Variants in NELL1 observed in about 807,000 individuals in gnomAD.
NELL1 encodes protein kinase C-binding protein NELL1.
A neutral mutation model predicts 107.4 loss-of-function variants in NELL1; 76 were observed. The observed-to-expected ratio is 0.71, with a 90% CI of 0.59 to 0.86. The LOEUF is 0.86. NELL1 is among the 40% of genes least tolerant of loss of function. The pLI is 0.00. For missense variants in NELL1, 1,024 were observed against 1,005.5 expected (o/e 1.02, Z -0.25); for synonymous variants, 353 against 341.2 (o/e 1.03, Z -0.38).
intron 2 of NELL1, among the ~76,000 whole-genome samples, chr11:20,703,328 T>C (rs944496179): frequency 1.3e-5 from 2 of 152,228 alleles, no homozygotes; most frequent in Non-Finnish European, 2.9e-5. Context: ...TTTGTATTTC[T>C]GTGGGATCGG....
chr11:21,154,687 C>T (rs1456043332), intron 13 of NELL1, among the ~76,000 whole-genome samples: 2 of 152,054 alleles, frequency 1.3e-5, no homozygotes, highest in Non-Finnish European at 2.9e-5. Flanking sequence ...AGCAAGCCTT[C>T]CTGGAAGGAG....
At chr11:21,337,784 C>CTTTCTT (rs1565175375) in intron 14 of NELL1, among the ~76,000 whole-genome samples, 1 of 139,446 alleles carries the variant, frequency 7.2e-6, no homozygotes, top group Non-Finnish European at 1.6e-5. Flanking sequence ...TTCTTTCTTT[C>CTTTCTT]TTTCTTTCTT....
intron 16 of NELL1, among the ~76,000 whole-genome samples, chr11:21,552,223 CACATGTAT>C (rs1182165277): frequency 6.6e-6 from 1 of 151,190 alleles, no homozygotes; most frequent in East Asian, 2.0e-4. Flanking sequence ...ACCAGCATTG[CACATGTAT>C]ACATATGTAA....
At chr11:20,709,609 G>A (rs1261663280) in intron 2 of NELL1, among the ~76,000 whole-genome samples, 1 of 152,004 alleles carries the variant, frequency 6.6e-6, no homozygotes, top group Non-Finnish European at 1.5e-5. Flanking sequence ...GAATTGCATT[G>A]CATCTGTAGA....
chr11:21,187,081 T>A (rs1031393566), intron 13 of NELL1, among the ~76,000 whole-genome samples: 2 of 151,942 alleles, frequency 1.3e-5, no homozygotes, highest in Non-Finnish European at 2.9e-5. Context: ...TGGCGGAATA[T>A]TTAGCACATG....
intron 5 of NELL1, 125 bp from the exon 6 acceptor site, chr11:20,918,057 T>C: frequency 1.4e-6 from 1 of 693,004 alleles, no homozygotes; most frequent in South Asian, 1.7e-5. Flanking sequence ...TAAGGCCAGC[T>C]CACCCTTTGA....
At chr11:21,423,500 T>C (rs1564886975) in intron 15 of NELL1, among the ~76,000 whole-genome samples, 1 of 152,026 alleles carries the variant, frequency 6.6e-6, no homozygotes, top group Admixed American at 6.6e-5. Context: ...GACAGAATTA[T>C]AAGAAGAAAT....
At chr11:21,004,820 A>G (rs1305146013) in intron 12 of NELL1, among the ~76,000 whole-genome samples, 1 of 152,104 alleles carries the variant, frequency 6.6e-6, no homozygotes, top group Non-Finnish European at 1.5e-5. Flanking sequence ...TGCAATTTGT[A>G]AGACATATAT....
chr11:21,374,226 T>C (rs1590878625), intron 15 of NELL1, among the ~76,000 whole-genome samples: 2 of 152,206 alleles, frequency 1.3e-5, no homozygotes, highest in East Asian at 1.9e-4. Context: ...TCATAGTTTC[T>C]ATGGTTTGAA....
intron 15 of NELL1, among the ~76,000 whole-genome samples, chr11:21,427,050 T>G (rs1852839558): frequency 1.3e-5 from 2 of 152,112 alleles, no homozygotes; most frequent in African/African-American, 4.8e-5. Flanking sequence ...AGGCAGCTGG[T>G]GGTGCGTGGG....
intron 12 of NELL1, among the ~76,000 whole-genome samples, chr11:21,048,092 C>T (rs1430709466): frequency 6.6e-6 from 1 of 151,980 alleles, no homozygotes; most frequent in African/African-American, 2.4e-5. Flanking sequence ...CTTTTACCCA[C>T]CCTAGAGTAG....
intron 2 of NELL1, among the ~76,000 whole-genome samples, chr11:20,685,606 C>CT (rs1854288984): frequency 6.6e-6 from 1 of 152,066 alleles, no homozygotes; most frequent in South Asian, 2.1e-4. Flanking sequence ...ATAGTGCCTA[C>CT]TATATATGGT....
intron 14 of NELL1, among the ~76,000 whole-genome samples, chr11:21,325,782 C>G (rs1415754447): frequency 6.6e-6 from 1 of 151,984 alleles, no homozygotes; most frequent in Non-Finnish European, 1.5e-5. Context: ...GCTTTTCAGT[C>G]AATCACTGTC....
At chr11:20,745,743 G>A (rs1353007578) in intron 2 of NELL1, among the ~76,000 whole-genome samples, 1 of 152,138 alleles carries the variant, frequency 6.6e-6, no homozygotes, top group Admixed American at 6.6e-5. Context: ...TCTACCACTG[G>A]GTGTGGGCCA....
intron 14 of NELL1, among the ~76,000 whole-genome samples, chr11:21,304,978 G>C (rs981963472): frequency 9.2e-5 from 14 of 152,016 alleles, no homozygotes; most frequent in African/African-American, 3.1e-4. Context: ...ATTTCTGTGG[G>C]GAAACAATAA....
At chr11:20,702,781 C>G (rs1002018519) in intron 2 of NELL1, among the ~76,000 whole-genome samples, 2 of 152,050 alleles carry the variant, frequency 1.3e-5, no homozygotes, top group Non-Finnish European at 2.9e-5. Flanking sequence ...TAGTTTTTGT[C>G]TTTGGTTCTC....
chr11:21,346,192 C>T (rs1035903699), intron 14 of NELL1, among the ~76,000 whole-genome samples: 9 of 152,128 alleles, frequency 5.9e-5, no homozygotes, highest in African/African-American at 1.7e-4. Context: ...TCTCCTCTTT[C>T]CTTCTATCTG....
chr11:21,088,928 A>T (rs1189271053), intron 12 of NELL1, among the ~76,000 whole-genome samples: 1 of 152,240 alleles, frequency 6.6e-6, no homozygotes, highest in East Asian at 1.9e-4. Context: ...GCTACGATTT[A>T]TCATTTGAAG....
intron 2 of NELL1, among the ~76,000 whole-genome samples, chr11:20,763,753 C>A (rs566773172): frequency 2.8e-4 from 43 of 152,358 alleles, no homozygotes; most frequent in African/African-American, 9.9e-4. Flanking sequence ...CAGGCCCTGG[C>A]AGGCCAGCTG....
Sources: allele counts gnomAD v4.1 joint callset (sites outside exome capture counted in the v4.1 genomes callset), GRCh38; gene constraint gnomAD v4.1.1; transcripts MANE v1.5; gene names NCBI Gene and HGNC (gene_info 2026-07-23, HGNC 2026-07-21).